ZFR: variants seen among roughly 807,000 people sequenced by gnomAD.
ZFR encodes the protein zinc finger RNA binding protein.
A neutral mutation model predicts 130.7 loss-of-function variants in ZFR; 19 were observed. That is an observed-to-expected ratio of 0.15 (90% CI 0.10 to 0.21). ZFR has a LOEUF of 0.21. ZFR is among the 10% of genes least tolerant of loss of function. ZFR has a pLI of 1.00. For synonymous variants in ZFR, 466 were observed against 456.9 expected (o/e 1.02, Z -0.25); for missense variants, 872 against 1,321.5 (o/e 0.66, Z 5.27).
In ZFR at chr5:32,354,586, T is replaced by C. The variant is rs1317733986; in HGVS notation, c.*1174A>G. 2 of 152,674 alleles carry C rather than the reference T, an allele frequency of 1.3e-5. No individual in the cohort carries two copies. Among genetic ancestry groups the C allele is most frequent in the African/African-American group, 4.8e-5 (2 of 41,474 alleles). The allele number at this position is 152,674 out of a possible 1,614,324, so 9.5% of individuals were successfully genotyped here. A position where few individuals can be genotyped will look rare whatever the true frequency, so the allele number is the denominator to read the frequency against. ...AATATTTAGCTTTGTGTAGGAGACA[T>C]AAGCAGGTAAGATGGCCACACCAAA... On this transcript the variant is annotated 3_prime_UTR_variant, in exon 20 of 20. Transcript: ENST00000265069.
chr5:32,444,344 A>G lies in ZFR; in HGVS notation c.38-16T>C, dbSNP rs769937251. The G allele has an allele frequency of 2.4e-5, 37 of 1,534,322 alleles. No homozygotes were observed. The highest frequency in any genetic ancestry group is 2.9e-5 in the Non-Finnish European group (33 of 1,139,412). ...CGGCTGGGCACTGCGGCGGGCACGA[A>G]GAGTCGGGTCCCATGGCGGGACAAG... On this transcript the variant is annotated splice_polypyrimidine_tract_variant and intron_variant, in intron 1 of 19. Coordinates refer to ENST00000265069, the MANE Select transcript of ZFR (RefSeq NM_016107.5).
chr5:32,435,057 C>T (rs1416545211), intron 2 of ZFR, among the ~76,000 whole-genome samples: 1 of 152,024 alleles, frequency 6.6e-6, no homozygotes, highest in Non-Finnish European at 1.5e-5. Flanking sequence ...GAGCAGGGAC[C>T]ACAGGTGTAT....
intron 14 of ZFR, among the ~76,000 whole-genome samples, chr5:32,386,395 C>T (rs1753047439): frequency 6.6e-6 from 1 of 152,034 alleles, no homozygotes; most frequent in Non-Finnish European, 1.5e-5. Flanking sequence ...TGCTTATCCA[C>T]TTATATAGGT....
At chr5:32,426,309 A>G (rs1754070855) in intron 2 of ZFR, among the ~76,000 whole-genome samples, 1 of 152,182 alleles carries the variant, frequency 6.6e-6, no homozygotes. Context: ...TCAATGTAAT[A>G]CACATTAATA....
At chr5:32,392,570 C>G (rs1753207229) in intron 11 of ZFR, among the ~76,000 whole-genome samples, 1 of 152,240 alleles carries the variant, frequency 6.6e-6, no homozygotes, top group African/African-American at 2.4e-5. Context: ...ACAATTCAAA[C>G]TGAAACAAAA....
Position 32,390,449 on chromosome 5 carries a change from A to G in ZFR, c.1980-12T>C, listed in dbSNP as rs780549286. 6.2e-7 allele frequency: 1 copy of G among 1,608,820 alleles called. No individual in the cohort carries two copies. The highest frequency in any genetic ancestry group is 1.7e-5 in the Admixed American group (1 of 59,964). On this transcript the variant is annotated splice_polypyrimidine_tract_variant and intron_variant, in intron 11 of 19. Coordinates refer to ENST00000265069, the MANE Select transcript of ZFR (RefSeq NM_016107.5). ...CCTCTTCATAACGTCTGAAACATAA[A>G]GAATGACATTATAAGCATATGAGGA...
chr5:32,433,323 T>C (rs138248613), intron 2 of ZFR, among the ~76,000 whole-genome samples: 17 of 152,278 alleles, frequency 1.1e-4, no homozygotes, highest in African/African-American at 4.1e-4. Context: ...ATTACAGTAA[T>C]TAAAAAATTA....
rs1265209261 is a variant in ZFR, at chr5:32,355,725, C to T, written c.*35G>A. On this transcript the variant is annotated 3_prime_UTR_variant, in exon 20 of 20. Coordinates refer to ENST00000265069, the MANE Select transcript of ZFR (RefSeq NM_016107.5). ...TGAAAAACAGCCAACAAATGGGCATCTGTTTTTTTAACACTGAAGATTTAC... is the reference window on the plus strand; with the variant it reads ...TGAAAAACAGCCAACAAATGGGCATTTGTTTTTTTAACACTGAAGATTTAC... 3.4e-5 allele frequency: 51 copies of T among 1,510,436 alleles called. No homozygotes were observed. The highest frequency in any genetic ancestry group is 4.5e-5 in the Non-Finnish European group (51 of 1,126,986). The allele number at this position is 1,510,436 out of a possible 1,614,324, so 93.6% of individuals were successfully genotyped here.
chr5:32,424,682 T>G (rs1323510085), intron 2 of ZFR, among the ~76,000 whole-genome samples: 1 of 152,178 alleles, frequency 6.6e-6, no homozygotes. Flanking sequence ...AACTTGAGCC[T>G]AGGAAGATTT....
intron 17 of ZFR, among the ~76,000 whole-genome samples, chr5:32,366,955 G>C (rs936831929): frequency 6.6e-6 from 1 of 151,048 alleles, no homozygotes; most frequent in African/African-American, 2.4e-5. Context: ...TCGCAGGCAC[G>C]ATCATAGCAC....
rs1282537691 is a variant in ZFR, at chr5:32,444,719, GCTC to G, written c.-64_-62del. 1.9e-5 allele frequency: 28 copies of G among 1,494,516 alleles called. No individual in the cohort carries two copies. The highest frequency in any genetic ancestry group is 3.9e-5 in the South Asian group (3 of 77,832). 92.6% of individuals were successfully genotyped at this position (1,494,516 alleles called of 1,614,324 possible). A position where few individuals can be genotyped will look rare whatever the true frequency, so the allele number is the denominator to read the frequency against. On this transcript the variant is annotated 5_prime_UTR_variant, in exon 1 of 20. Transcript: ENST00000265069. Reference sequence around the variant, plus strand: ...ACCCGCTGCCTCCCTCCTCTGCCCCGCTCCTCCTCAGCGGAGAACAGACCGCCG... The same window carrying G: ...ACCCGCTGCCTCCCTCCTCTGCCCCGCTCCTCAGCGGAGAACAGACCGCCG...
At chr5:32,444,060 C>CGGGGCGGGGT (rs1399239003) in intron 2 of ZFR, among the ~76,000 whole-genome samples, 169 bp downstream of exon 2, 1 of 45,134 alleles carries the variant, frequency 2.2e-5, no homozygotes, top group Non-Finnish European at 5.0e-5. Context: ...CCGGGCAAGG[C>CGGGGCGGGGT]GGGGCGGGGC....
intron 10 of ZFR, among the ~76,000 whole-genome samples, chr5:32,396,728 A>C (rs992794242): frequency 2.6e-5 from 4 of 152,092 alleles, no homozygotes; most frequent in Non-Finnish European, 4.4e-5. Context: ...TTGGCTACAG[A>C]GCGAGACTCC....
intron 2 of ZFR, among the ~76,000 whole-genome samples, chr5:32,427,642 T>C (rs1754105093): frequency 6.6e-6 from 1 of 152,098 alleles, no homozygotes; most frequent in African/African-American, 2.4e-5. Context: ...AAATCTATCC[T>C]AAAATTCCTG....
chr5:32,415,271 A>C, intron 4 of ZFR, 84 bp from the exon 5 acceptor site: 1 of 1,240,046 alleles, frequency 8.1e-7, no homozygotes, highest in South Asian at 1.4e-5. Context: ...GCTGGAAAGA[A>C]TAGGTACAAA....
At chr5:32,399,638 G>A (rs937557583) in intron 9 of ZFR, among the ~76,000 whole-genome samples, 9 of 152,058 alleles carry the variant, frequency 5.9e-5, no homozygotes, top group Non-Finnish European at 1.3e-4. Flanking sequence ...TCACAAAACT[G>A]ACTATTCAAA....
At chr5:32,357,863 C>T (rs1390415073) in intron 19 of ZFR, among the ~76,000 whole-genome samples, 3 of 152,166 alleles carry the variant, frequency 2.0e-5, no homozygotes, top group Non-Finnish European at 4.4e-5. Context: ...TCTTTTTCCA[C>T]TGATTTGAAG....
intron 15 of ZFR, among the ~76,000 whole-genome samples, chr5:32,382,413 T>A (rs1436731106): frequency 6.6e-6 from 1 of 152,214 alleles, no homozygotes; most frequent in Non-Finnish European, 1.5e-5. Context: ...TCTATGTCCC[T>A]TATTTACTTA....
intron 5 of ZFR, among the ~76,000 whole-genome samples, chr5:32,411,455 G>A (rs1753706098): frequency 6.6e-6 from 1 of 152,050 alleles, no homozygotes; most frequent in Non-Finnish European, 1.5e-5. Context: ...TGGAGAGGCC[G>A]AGGTAGGTGG....
Sources: allele counts gnomAD v4.1 joint callset (sites outside exome capture counted in the v4.1 genomes callset), GRCh38; gene constraint gnomAD v4.1.1; transcripts MANE v1.5; gene names NCBI Gene and HGNC (gene_info 2026-07-23, HGNC 2026-07-21).